TJP1: variants seen among roughly 807,000 people sequenced by gnomAD.
TJP1 encodes the protein tight junction protein 1.
TJP1 carries 43 observed loss-of-function variants against 194.2 expected under a neutral mutation model. The ratio of observed to expected loss-of-function variants is 0.22; its 90% CI spans 0.17 to 0.29. The LOEUF (loss-of-function observed/expected upper bound fraction) is 0.29, where lower values mean the gene tolerates loss of function less well. Ranked by LOEUF, TJP1 falls within the 10% of genes least tolerant of loss-of-function variation. TJP1 has a pLI of 1.00. For missense variants in TJP1, 1,971 were observed against 2,185.7 expected (o/e 0.90, Z 1.96); for synonymous variants, 801 against 779.0 (o/e 1.03, Z -0.47).
intron 2 of TJP1, among the ~76,000 whole-genome samples, chr15:29,777,140 T>C (rs970323596): frequency 1.3e-5 from 2 of 152,142 alleles, no homozygotes; most frequent in Non-Finnish European, 2.9e-5. Context: ...ACTGAAAACG[T>C]GTGTATTCAA....
At chr15:29,764,537 G>C (rs2046210884) in intron 5 of TJP1, among the ~76,000 whole-genome samples, 2 of 152,190 alleles carry the variant, frequency 1.3e-5, no homozygotes, top group Non-Finnish European at 2.9e-5. Flanking sequence ...ATGAGTCTAT[G>C]TAAGAGATGA....
intron 2 of TJP1, among the ~76,000 whole-genome samples, chr15:29,830,006 TA>T (rs993049274): frequency 1.9e-4 from 28 of 143,828 alleles, no homozygotes; most frequent in Middle Eastern, 3.7e-3. Flanking sequence ...ATTCTTACAT[TA>T]AAAAAAAAAT....
At chr15:29,746,149 C>T (rs1209935938) in intron 8 of TJP1, among the ~76,000 whole-genome samples, 1 of 152,124 alleles carries the variant, frequency 6.6e-6, no homozygotes, top group Non-Finnish European at 1.5e-5. Context: ...GAGGCTGAGG[C>T]GGGCGGATCA....
At chr15:29,857,908 C>T (rs1179916129) in intron 2 of TJP1, among the ~76,000 whole-genome samples, 1 of 152,128 alleles carries the variant, frequency 6.6e-6, no homozygotes, top group Non-Finnish European at 1.5e-5. Context: ...ATTACAGGCA[C>T]CAGTCACCAT....
At chr15:29,953,140 ATTT>A (rs71416442) in intron 2 of TJP1, among the ~76,000 whole-genome samples, 13 of 110,976 alleles carry the variant, frequency 1.2e-4, no homozygotes, top group Admixed American at 2.2e-4. Context: ...AAGAAGACAG[ATTT>A]TTTTTTTTTT....
chr15:29,727,083 C>T (rs775433586), intron 16 of TJP1, 92 bp from the exon 17 acceptor site: 277 of 1,120,288 alleles, frequency 2.5e-4, no homozygotes, highest in Non-Finnish European at 3.3e-4. Flanking sequence ...TCACGCTACG[C>T]CTATAATCCT....
chr15:29,757,218 T>A (rs1305815286), intron 8 of TJP1, among the ~76,000 whole-genome samples: 1 of 152,168 alleles, frequency 6.6e-6, no homozygotes, highest in Non-Finnish European at 1.5e-5. Context: ...AGGTTATTAT[T>A]CTCAGCAGAT....
At chr15:29,878,542 CCCATAG>C (rs1226390252) in intron 2 of TJP1, among the ~76,000 whole-genome samples, 1 of 151,864 alleles carries the variant, frequency 6.6e-6, no homozygotes, top group Non-Finnish European at 1.5e-5. Flanking sequence ...AGAAACACAG[CCCATAG>C]TTCAGTATAT....
At chr15:29,756,145 T>C (rs1462053967) in intron 8 of TJP1, among the ~76,000 whole-genome samples, 5 of 152,130 alleles carry the variant, frequency 3.3e-5, no homozygotes, top group Non-Finnish European at 7.3e-5. Flanking sequence ...CTCTTTTCAA[T>C]GATACCCACT....
intron 2 of TJP1, among the ~76,000 whole-genome samples, chr15:29,837,696 T>C (rs987624093): frequency 6.6e-6 from 1 of 152,256 alleles, no homozygotes; most frequent in African/African-American, 2.4e-5. Context: ...TAAAAGATAG[T>C]ACCTATATTT....
chr15:29,928,755 A>G (rs560773042), intron 2 of TJP1, among the ~76,000 whole-genome samples: 19 of 152,280 alleles, frequency 1.2e-4, no homozygotes, highest in African/African-American at 3.1e-4. Flanking sequence ...CATCCTGGCT[A>G]ACACGGTGAA....
In TJP1 at chr15:29,737,247, T is replaced by C. The variant is rs777372375; in HGVS notation, c.1407+17A>G. On this transcript the variant is annotated intron_variant, in intron 11 of 27. Coordinates refer to ENST00000614355, the MANE Select transcript of TJP1 (RefSeq NM_001330239.4). ...CCAAATACTTTTTAACCCACATAAG[T>C]TGCAATACTGACATACCCTGAGAAT... is the stretch of plus-strand genomic sequence containing the variant. 1.9e-6 allele frequency: 3 copies of C among 1,612,582 alleles called. No homozygotes were observed. Among genetic ancestry groups the C allele is most frequent in the Admixed American group, 3.3e-5 (2 of 59,946 alleles).
At chr15:29,871,625 CCACCCAGCTGAGG>C (rs2052526309) in intron 2 of TJP1, among the ~76,000 whole-genome samples, 1 of 152,230 alleles carries the variant, frequency 6.6e-6, no homozygotes, top group African/African-American at 2.4e-5. Flanking sequence ...GCTGGCCCGG[CCACCCAGCTGAGG>C]CGCCAAGCTG....
intron 2 of TJP1, among the ~76,000 whole-genome samples, chr15:29,832,251 A>G (rs1244021882): frequency 2.0e-5 from 3 of 152,116 alleles, no homozygotes; most frequent in African/African-American, 7.2e-5. Flanking sequence ...AGAAGTTCAG[A>G]CTAGCTTGCT....
intron 1 of TJP1, among the ~76,000 whole-genome samples, chr15:29,802,197 C>T (rs959250868): frequency 3.3e-5 from 5 of 152,180 alleles, no homozygotes; most frequent in Non-Finnish European, 5.9e-5. Flanking sequence ...AAGCATGACA[C>T]TCTCAGATCA....
upstream of TJP1, chr15:29,822,603 AC>A: frequency 1.9e-6 from 1 of 529,012 alleles, no homozygotes; most frequent in South Asian, 8.0e-5. Context: ...CGGGGTCCCG[AC>A]CCCAAGCGCG....
chr15:29,957,754 T>A (rs2056001880), intron 1 of TJP1, among the ~76,000 whole-genome samples: 1 of 152,214 alleles, frequency 6.6e-6, no homozygotes, highest in African/African-American at 2.4e-5. Context: ...AATGCATTAT[T>A]TAGTTAGGAA....
chr15:29,711,684 T>C (rs2042252339), intron 23 of TJP1, among the ~76,000 whole-genome samples: 1 of 152,074 alleles, frequency 6.6e-6, no homozygotes, highest in Non-Finnish European at 1.5e-5. Flanking sequence ...CACTTCTGAT[T>C]TTGTATCTGG....
chr15:29,715,403 GA>G (rs2042503480), intron 23 of TJP1, among the ~76,000 whole-genome samples: 3 of 152,256 alleles, frequency 2.0e-5, no homozygotes, highest in Non-Finnish European at 2.9e-5. Context: ...ATAGGACAGT[GA>G]AAAAAGTCTT....
Sources: allele counts gnomAD v4.1 joint callset (sites outside exome capture counted in the v4.1 genomes callset), GRCh38; gene constraint gnomAD v4.1.1; transcripts MANE v1.5; gene names NCBI Gene and HGNC (gene_info 2026-07-23, HGNC 2026-07-21).